HS6ST3: variants seen among roughly 807,000 people sequenced by gnomAD.
HS6ST3 encodes the protein heparan-sulfate 6-O-sulfotransferase 3.
In HS6ST3, 12 loss-of-function variants were observed where a neutral mutation model predicts 36.7. The observed-to-expected ratio is 0.33, with a 90% CI of 0.21 to 0.53. HS6ST3 has a LOEUF of 0.53. Among genes scored for constraint, HS6ST3 ranks in the 20% least tolerant of loss-of-function variants. The probability of loss-of-function intolerance (pLI) is 0.95; values close to 1 mark genes in which losing one functional copy is unlikely to be tolerated. For missense variants in HS6ST3, 584 were observed against 640.9 expected, an observed-to-expected ratio of 0.91 and a Z score of 0.96; for synonymous variants, 240 against 257.5, an observed-to-expected ratio of 0.93 and a Z score of 0.65.
chr13:96,718,860 T>G (rs991643309), intron 1 of HS6ST3, among the ~76,000 whole-genome samples: 2 of 152,222 alleles, frequency 1.3e-5, no homozygotes, highest in Admixed American at 1.3e-4. Flanking sequence ...TGTGCATCCT[T>G]TCACTTTGTA....
chr13:96,665,967 G>A (rs2056663091), intron 1 of HS6ST3, among the ~76,000 whole-genome samples: 1 of 152,068 alleles, frequency 6.6e-6, no homozygotes, highest in Non-Finnish European at 1.5e-5. Flanking sequence ...ACCATGATAC[G>A]AATACATAGT....
chr13:96,738,661 A>G (rs1289244704), intron 1 of HS6ST3, among the ~76,000 whole-genome samples: 3 of 152,218 alleles, frequency 2.0e-5, no homozygotes, highest in Non-Finnish European at 4.4e-5. Flanking sequence ...GTGACGAAAT[A>G]CTGAAATTAA....
At chr13:96,499,709 G>A (rs145592110) in intron 1 of HS6ST3, among the ~76,000 whole-genome samples, 1 of 152,134 alleles carries the variant, frequency 6.6e-6, no homozygotes, top group Non-Finnish European at 1.5e-5. Context: ...GCATGAGCGT[G>A]TGTGACCTGT....
At chr13:96,330,490 T>A (rs890257025) in intron 1 of HS6ST3, among the ~76,000 whole-genome samples, 1 of 151,066 alleles carries the variant, frequency 6.6e-6, no homozygotes, top group Non-Finnish European at 1.5e-5. Flanking sequence ...TTCTTTTCTT[T>A]AAGAATGTTG....
rs1417311297 is a variant in HS6ST3 at position 96,430,566 on chromosome 13, G to T, written c.707+338997G>T. Among the ~76,000 whole-genome samples the T allele has an allele frequency of 2.0e-5, 3 of 152,166 alleles. No individual in the cohort carries two copies. The East Asian group carries it at 5.8e-4, about 29-fold the overall frequency. On this transcript the variant is annotated intron_variant, in intron 1 of 1. Transcript: ENST00000376705. Reference sequence around the variant, plus strand: ...CCCAAGTGTCTAAGTTGGCCCCTGGGTTCCTGTTGTTGTACCACTGCCCTC... The same window carrying T: ...CCCAAGTGTCTAAGTTGGCCCCTGGTTTCCTGTTGTTGTACCACTGCCCTC...
intron 1 of HS6ST3, among the ~76,000 whole-genome samples, chr13:96,318,294 G>A (rs2054986099): frequency 6.6e-6 from 1 of 152,196 alleles, no homozygotes. Flanking sequence ...CACTTTGGGA[G>A]GCTGAGGCAG....
chr13:96,213,511 G>A (rs900084400), intron 1 of HS6ST3, among the ~76,000 whole-genome samples: 1 of 150,180 alleles, frequency 6.7e-6, no homozygotes, highest in Admixed American at 6.7e-5. Context: ...ATGGCCGACT[G>A]CCTCTGTGTA....
chr13:96,298,259 A>G (rs1298997850), intron 1 of HS6ST3, among the ~76,000 whole-genome samples: 1 of 152,212 alleles, frequency 6.6e-6, no homozygotes, highest in Non-Finnish European at 1.5e-5. Flanking sequence ...TAGAAAGGAA[A>G]TAATTTCAAA....
At chr13:96,516,179 A>G (rs2056071987) in intron 1 of HS6ST3, among the ~76,000 whole-genome samples, 1 of 151,312 alleles carries the variant, frequency 6.6e-6, no homozygotes. Flanking sequence ...CTCCTGCTTC[A>G]GCCTCCTGAG....
intron 1 of HS6ST3, among the ~76,000 whole-genome samples, chr13:96,378,597 C>G (rs761409494): frequency 6.6e-6 from 1 of 152,078 alleles, no homozygotes; most frequent in Non-Finnish European, 1.5e-5. Flanking sequence ...ATTTATTGAA[C>G]GACTGAGTGG....
At chr13:96,275,170 G>A (rs1381722560) in intron 1 of HS6ST3, among the ~76,000 whole-genome samples, 1 of 152,142 alleles carries the variant, frequency 6.6e-6, no homozygotes, top group Non-Finnish European at 1.5e-5. Flanking sequence ...CCATTAAACA[G>A]CCTTCAGGGT....
intron 1 of HS6ST3, among the ~76,000 whole-genome samples, chr13:96,616,747 T>C (rs567918777): frequency 6.6e-6 from 1 of 152,350 alleles, no homozygotes; most frequent in Non-Finnish European, 1.5e-5. Flanking sequence ...GTTGTAATAA[T>C]TCTATTTCCT....
chr13:96,110,939 C>T (rs1234329668), intron 1 of HS6ST3, among the ~76,000 whole-genome samples: 1 of 152,186 alleles, frequency 6.6e-6, no homozygotes, highest in South Asian at 2.1e-4. Context: ...AGATCATTTT[C>T]TCACCATTCT....
At chr13:96,610,618 T>C (rs938588857) in intron 1 of HS6ST3, among the ~76,000 whole-genome samples, 2 of 152,176 alleles carry the variant, frequency 1.3e-5, no homozygotes, top group African/African-American at 4.8e-5. Flanking sequence ...TAGCTTGAAA[T>C]CCATCAGACG....
At chr13:96,168,055 T>C (rs1566898122) in intron 1 of HS6ST3, among the ~76,000 whole-genome samples, 1 of 152,352 alleles carries the variant, frequency 6.6e-6, no homozygotes, top group East Asian at 1.9e-4. Context: ...GGCAGTAATA[T>C]TGTGTTTCTT....
intron 1 of HS6ST3, among the ~76,000 whole-genome samples, chr13:96,151,655 CT>C (rs2139323426): frequency 6.6e-6 from 1 of 152,302 alleles, no homozygotes; most frequent in African/African-American, 2.4e-5. Flanking sequence ...TGTCTCACAG[CT>C]CTAGTGGTCA....
intron 1 of HS6ST3, among the ~76,000 whole-genome samples, chr13:96,374,484 C>A (rs950868595): frequency 2.6e-5 from 4 of 152,072 alleles, no homozygotes; most frequent in African/African-American, 9.7e-5. Flanking sequence ...AATCTTTGTC[C>A]CTGTCTCTTC....
intron 1 of HS6ST3, among the ~76,000 whole-genome samples, chr13:96,692,577 G>A (rs1266925394): frequency 6.6e-6 from 1 of 152,100 alleles, no homozygotes; most frequent in East Asian, 1.9e-4. Flanking sequence ...GGGGGCTTGT[G>A]CAAAGCCTGA....
intron 1 of HS6ST3, among the ~76,000 whole-genome samples, chr13:96,800,344 G>T (rs1358628349): frequency 6.6e-6 from 1 of 150,826 alleles, no homozygotes; most frequent in Non-Finnish European, 1.5e-5. Context: ...TTTGTACAAC[G>T]ATTAGAGAAT....
Sources: gnomAD v4.1 joint callset for allele counts (sites outside exome capture counted in the v4.1 genomes callset) on GRCh38, gnomAD v4.1.1 for gene constraint, MANE v1.5 for transcripts, NCBI Gene and HGNC (gene_info 2026-07-23, HGNC 2026-07-21) for gene names.